The following CYTH4 variants were observed in gnomAD, a reference collection of about 807,000 sequenced individuals.
The protein encoded by CYTH4 is cytohesin-4.
A neutral mutation model predicts 57.5 loss-of-function variants in CYTH4; 22 were observed. The observed-to-expected ratio is 0.38, with a 90% confidence interval of 0.27 to 0.55. The LOEUF (loss-of-function observed/expected upper bound fraction) is 0.55. CYTH4 is among the 20% of genes least tolerant of loss of function. The pLI is 0.74. For synonymous variants in CYTH4, 186 were observed against 206.5 expected, an observed-to-expected ratio of 0.90 and a Z score of 0.85; for missense variants, 420 against 535.6, an observed-to-expected ratio of 0.78 and a Z score of 2.13.
intron 2 of CYTH4, among the ~76,000 whole-genome samples, 174 bp downstream of exon 2, chr22:37,292,877 C>A (rs1242890515): frequency 6.6e-6 from 1 of 152,130 alleles, no homozygotes; most frequent in South Asian, 2.1e-4. Flanking sequence ...GCAGACACCC[C>A]GAGACCCAGG....
chr22:37,312,384 A>T (rs1325489921), intron 12 of CYTH4, among the ~76,000 whole-genome samples: 2 of 152,176 alleles, frequency 1.3e-5, no homozygotes, highest in South Asian at 2.1e-4. Context: ...AGGAGAGACC[A>T]CCTGCATGGG....
chr22:37,303,532 C>T, intron 8 of CYTH4, 130 bp downstream of exon 8: 1 of 1,303,434 alleles, frequency 7.7e-7, no homozygotes, highest in Non-Finnish European at 1.0e-6. Context: ...ATATGGCCCA[C>T]CCAGGCTGTG....
Position 37,313,707 on chromosome 22 carries a change from A to G in CYTH4, c.*196A>G, listed in dbSNP as rs1305851746. 24 of 604,294 alleles carry G rather than the reference A, an allele frequency of 4.0e-5. No individual in the cohort carries two copies. The highest frequency in any genetic ancestry group is 5.8e-6 in the Non-Finnish European group (2 of 341,940). The allele number at this position is 604,294 out of a possible 1,614,324, so 37.4% of individuals were successfully genotyped here. On this transcript the variant is annotated 3_prime_UTR_variant, in exon 13 of 13. Coordinates refer to ENST00000248901, the MANE Select transcript of CYTH4 (RefSeq NM_013385.5). Reference sequence around the variant, plus strand: ...GGGAGCTGCAGTGGGCTCAGAGTCCAGCAATGAGGCCCCCTGGCCTGGGCA... The same window carrying G: ...GGGAGCTGCAGTGGGCTCAGAGTCCGGCAATGAGGCCCCCTGGCCTGGGCA...
Position 37,311,367 on chromosome 22 carries a change from G to T in CYTH4, c.886-89G>T. The T allele has an allele frequency of 8.6e-7, 1 of 1,168,536 alleles. No homozygotes were observed. The allele number at this position is 1,168,536 out of a possible 1,614,324, so 72.4% of individuals were successfully genotyped here. A position where few individuals can be genotyped will look rare whatever the true frequency, so the allele number is the denominator to read the frequency against. On this transcript the variant is annotated intron_variant, in intron 10 of 12. Transcript: ENST00000248901. This position sits in a 1 kb window ranked among gnomAD's most constrained non-coding sequence, Gnocchi z 4.4. ...TCGGAAGATGAGCACGCTCCTCTTTGAGTTTGGGGAACCCCACACGTTCAC... is the reference window on the plus strand; with the variant it reads ...TCGGAAGATGAGCACGCTCCTCTTTTAGTTTGGGGAACCCCACACGTTCAC...
At chr22:37,294,896 C>T (rs1051329635) in intron 3 of CYTH4, among the ~76,000 whole-genome samples, 172 bp downstream of exon 3, 14 of 152,322 alleles carry the variant, frequency 9.2e-5, no homozygotes, top group Non-Finnish European at 1.2e-4. Context: ...CCGGCCCCAT[C>T]CCGGGTCTGG....
chr22:37,285,881 G>A lies in CYTH4; in HGVS notation c.19+3293G>A, dbSNP rs569429224. Reference sequence around the variant, plus strand: ...CCGGGGCCATCATCACCCTCATGTGGGTTCAGATGCTTTGACCAGTTGCCA... The same window carrying A: ...CCGGGGCCATCATCACCCTCATGTGAGTTCAGATGCTTTGACCAGTTGCCA... On this transcript the variant is annotated intron_variant, in intron 1 of 12. Coordinates refer to ENST00000248901, the MANE Select transcript of CYTH4 (RefSeq NM_013385.5). 2.6e-5 allele frequency among the ~76,000 whole-genome samples: 4 copies of A among 152,294 alleles called. No individual in the cohort carries two copies. The East Asian group carries it at 7.7e-4, about 29-fold the overall frequency.
Position 37,313,590 on chromosome 22 carries a change from C to G in CYTH4, c.*79C>G. ...AGCACCTGGAGACCCACCTCCCACC[C>G]CAGTGCACTCTTTTGGGCCACAGAC... On this transcript the variant is annotated 3_prime_UTR_variant, in exon 13 of 13. Coordinates refer to ENST00000248901, the MANE Select transcript of CYTH4 (RefSeq NM_013385.5). 1 of 1,281,086 alleles carries G rather than the reference C, an allele frequency of 7.8e-7. No homozygotes were observed. The highest frequency in any genetic ancestry group is 1.1e-6 in the Non-Finnish European group (1 of 880,858). 79.4% of individuals were successfully genotyped at this position (1,281,086 alleles called of 1,614,324 possible).
intron 4 of CYTH4, 73 bp downstream of exon 4, chr22:37,296,138 C>A (rs573388689): frequency 5.8e-5 from 84 of 1,448,664 alleles, no homozygotes; most frequent in Non-Finnish European, 7.5e-5. Context: ...TGTCCTCTCG[C>A]TCCCCTCGGC....
Position 37,303,379 on chromosome 22 carries a change from G to A in CYTH4, c.673G>A (p.Asp225Asn), listed in dbSNP as rs373821857. 5.2e-5 allele frequency: 84 copies of A among 1,613,766 alleles called. No homozygotes were observed. Among genetic ancestry groups the A allele is most frequent in the Admixed American group, 1.5e-4 (9 of 59,922 alleles). Residue 225 changes from aspartate to asparagine, a missense_variant, in exon 8 of 13, where the codon GAC becomes AAC. Transcript: ENST00000248901. ...SMNRGINNGS[D>N]LPEDQLRNLF... ...GAACCGCGGCATCAACAATGGTAGC[G>A]ACCTGCCCGAGGACCAGCTGCGGGT... is the stretch of plus-strand genomic sequence containing the variant.
rs908156559 is a variant in CYTH4, at chr22:37,297,572, G to A, written c.243G>A (p.Gln81=). Residue 81 remains glutamine (Q), a synonymous_variant, in exon 5 of 13, where the codon CAG becomes CAA. Coordinates refer to ENST00000248901, the MANE Select transcript of CYTH4 (RefSeq NM_013385.5). ...CTGTGTACCCCCTCCAGGGTATCCA[G>A]TATTTCATTGAGCACAAGCTGCTGA... ...KFNMDPAKGI[Q]YFIEHKLLTP... is the part of the protein sequence containing the mutation. 1.2e-6 allele frequency: 2 copies of A among 1,613,598 alleles called. No individual in the cohort carries two copies. Among genetic ancestry groups the A allele is most frequent in the African/African-American group, 1.3e-5 (1 of 75,030 alleles).
At chr22:37,297,504 C>T in intron 4 of CYTH4, 60 bp from the exon 5 acceptor site, 2 of 1,466,070 alleles carry the variant, frequency 1.4e-6, no homozygotes, top group African/African-American at 1.4e-5. Context: ...TTCCTCCCTT[C>T]CCCCTCCCAG....
Position 37,282,548 on chromosome 22 carries a change from T to A in CYTH4, c.-22T>A, listed in dbSNP as rs2145850040. 6.2e-7 allele frequency: 1 copy of A among 1,613,794 alleles called. No homozygotes were observed. Among genetic ancestry groups the A allele is most frequent in the African/African-American group, 1.3e-5 (1 of 75,030 alleles). The stretch of plus-strand genomic sequence containing the variant: ...CGGCAAGCGACAGGAGCACGGGTCA[T>A]CTTTTCCCCAGAGGCGTCGGAATGG... On this transcript the variant is annotated 5_prime_UTR_variant, in exon 1 of 13. Transcript: ENST00000248901.
At chr22:37,305,824 C>T (rs565018660) in intron 8 of CYTH4, among the ~76,000 whole-genome samples, 23 of 152,320 alleles carry the variant, frequency 1.5e-4, no homozygotes, top group Non-Finnish European at 2.8e-4. Context: ...GAGAGGTCAC[C>T]TCAAGGGTAC....
Position 37,303,311 on chromosome 22 carries a change from C to G in CYTH4, c.605C>G (p.Pro202Arg). 4 of 1,614,200 alleles carry G rather than the reference C, an allele frequency of 2.5e-6. No homozygotes were observed. The highest frequency in any genetic ancestry group is 3.4e-6 in the Non-Finnish European group (4 of 1,180,022). ...ATGCTCAACACCAGCCTCCACAATC[C>G]CAACGTCCGGGACAGGCCGCCTTTT... Reference protein sequence around the residue: ...IIMLNTSLHNPNVRDRPPFER... With the variant: ...IIMLNTSLHNRNVRDRPPFER... Residue 202 changes from proline to arginine, a missense_variant, in exon 8 of 13, where the codon CCC becomes CGC. Pro to Arg is a moderately radical substitution (Grantham distance 103). Transcript: ENST00000248901.
chr22:37,303,154 T>C (rs1929248312), intron 7 of CYTH4, 100 bp from the exon 8 acceptor site: 1 of 1,479,642 alleles, frequency 6.8e-7, no homozygotes, highest in African/African-American at 1.9e-5. Flanking sequence ...AAGGTGGACC[T>C]TCGGGGCCTT....
intron 8 of CYTH4, among the ~76,000 whole-genome samples, chr22:37,308,484 G>T (rs537701388): frequency 6.6e-6 from 1 of 152,230 alleles, no homozygotes; most frequent in East Asian, 1.9e-4. Flanking sequence ...ATGTGTGTAC[G>T]TGTGCATGTG....
At chr22:37,285,963 A>G (rs1486816012) in intron 1 of CYTH4, among the ~76,000 whole-genome samples, 1 of 152,094 alleles carries the variant, frequency 6.6e-6, no homozygotes, top group Admixed American at 6.5e-5. Flanking sequence ...ATTCACGAAC[A>G]CACTTGTCAA....
intron 9 of CYTH4, among the ~76,000 whole-genome samples, chr22:37,310,524 T>A (rs1929601083): frequency 6.6e-6 from 1 of 152,260 alleles, no homozygotes; most frequent in Non-Finnish European, 1.5e-5. Flanking sequence ...TCTCCATGAC[T>A]GTTTCCTCAT....
chr22:37,290,313 T>C (rs571826641), intron 1 of CYTH4, among the ~76,000 whole-genome samples: 18 of 152,292 alleles, frequency 1.2e-4, no homozygotes, highest in African/African-American at 3.6e-4. Context: ...CTTTCCCCAG[T>C]GTACAGTTGT....
Sources: gnomAD v4.1 joint callset for allele counts (sites outside exome capture counted in the v4.1 genomes callset) on GRCh38, gnomAD v4.1.1 for gene constraint, Gnocchi (gnomAD v3.1) non-coding constraint, MANE v1.5 for transcripts, NCBI Gene and HGNC (gene_info 2026-07-23, HGNC 2026-07-21) for gene names.